The following TBC1D8B variants were observed in gnomAD, a reference collection of about 807,000 sequenced individuals.
The protein encoded by TBC1D8B is TBC1 domain family member 8B, also known as RP11-321G1.1.
A neutral mutation model predicts 82.9 loss-of-function variants in TBC1D8B; 75 were observed. That is an observed-to-expected ratio of 0.90 (90% CI 0.75 to 1.10). The LOEUF is 1.10. Among genes scored for constraint, TBC1D8B ranks in the 50% least tolerant of loss-of-function variants. The probability of loss-of-function intolerance (pLI) is 0.00; values close to 1 mark genes in which losing one functional copy is unlikely to be tolerated. For missense variants in TBC1D8B, 794 were observed against 796.9 expected, an observed-to-expected ratio of 1.00 and a Z score of 0.04; for synonymous variants, 276 against 276.8, an observed-to-expected ratio of 1.00 and a Z score of 0.03.
In TBC1D8B at chrX:106,823,290, A is replaced by G; in HGVS notation, c.651A>G (p.Thr217=). ...KLEKTSNVIL[T]ESIHVCSQGE... Reference sequence around the variant, plus strand: ...AAAAGACTTCAAATGTCATACTGACAGAGAGTATTCACGTGTGTTCCCAAG... The same window carrying G: ...AAAAGACTTCAAATGTCATACTGACGGAGAGTATTCACGTGTGTTCCCAAG... Residue 217 remains threonine (T), a synonymous_variant, in exon 5 of 21, where the codon ACA becomes ACG. Transcript: ENST00000357242. 4 of 1,210,143 alleles carry G rather than the reference A, an allele frequency of 3.3e-6. No homozygotes were observed. The highest frequency in any genetic ancestry group is 4.5e-6 in the Non-Finnish European group (4 of 894,268).
chrX:106,850,370 T>TCC, intron 12 of TBC1D8B, 60 bp downstream of exon 12: 1 of 1,069,576 alleles, frequency 9.3e-7, no homozygotes. Flanking sequence ...TGTTGTTCAA[T>TCC]CCCCTATTTT....
intron 12 of TBC1D8B, among the ~76,000 whole-genome samples, 182 bp from the exon 13 acceptor site, chrX:106,853,339 T>C (rs1039990168): frequency 1.8e-5 from 2 of 111,101 alleles, no homozygotes; most frequent in African/African-American, 6.6e-5. Flanking sequence ...GACGATGGGG[T>C]TTTCTAGATA....
intron 14 of TBC1D8B, among the ~76,000 whole-genome samples, chrX:106,856,512 T>A (rs1569455212): frequency 9.0e-6 from 1 of 110,798 alleles, no homozygotes; most frequent in Non-Finnish European, 1.9e-5. Flanking sequence ...TAGAGTATAT[T>A]TTTTTATTAT....
At chrX:106,822,230 C>T in intron 4 of TBC1D8B, 28 bp downstream of exon 4, 1 of 1,116,771 alleles carries the variant, frequency 9.0e-7, no homozygotes, top group Non-Finnish European at 1.2e-6. Context: ...CTTACTATGG[C>T]CTTGAATTTG....
intron 1 of TBC1D8B, among the ~76,000 whole-genome samples, chrX:106,805,374 G>A (rs755551054): frequency 2.0e-3 from 224 of 110,011 alleles, no homozygotes; most frequent in Non-Finnish European, 3.0e-3. Flanking sequence ...AAAGGAATGA[G>A]CCACCTCACC....
chrX:106,846,481 G>C (rs1471725376), intron 10 of TBC1D8B, among the ~76,000 whole-genome samples: 1 of 109,588 alleles, frequency 9.1e-6, no homozygotes, highest in Non-Finnish European at 1.9e-5. Context: ...ATGCCACAGA[G>C]CTTACTGGTT....
chrX:106,851,181 G>A (rs1283093527), intron 12 of TBC1D8B, among the ~76,000 whole-genome samples: 1 of 112,154 alleles, frequency 8.9e-6, no homozygotes, highest in African/African-American at 3.2e-5. Flanking sequence ...CCTGAGGTCA[G>A]GAGTTCAAGA....
chrX:106,856,468 A>T (rs1425742732), intron 14 of TBC1D8B, among the ~76,000 whole-genome samples: 1 of 110,764 alleles, frequency 9.0e-6, no homozygotes, highest in Non-Finnish European at 1.9e-5. Flanking sequence ...TAGTACTGGT[A>T]TTGCTTTTTT....
At chrX:106,820,802 A>G in intron 2 of TBC1D8B, 75 bp from the exon 3 acceptor site, 1 of 670,988 alleles carries the variant, frequency 1.5e-6, no homozygotes, top group Non-Finnish European at 2.3e-6. Flanking sequence ...TTTTTAAACT[A>G]TGCTTTTAAA....
At chrX:106,869,595 A>G (rs1932835184) in intron 19 of TBC1D8B, 54 bp downstream of exon 19, 1 of 1,003,892 alleles carries the variant, frequency 1.0e-6, no homozygotes, top group East Asian at 3.2e-5. Context: ...TTATGTAAAT[A>G]AGGATAGCTA....
chrX:106,828,743 C>G lies in TBC1D8B; in HGVS notation c.1203+1406C>G, dbSNP rs1246801721. The G allele has an allele frequency of 7.9e-4, 86 of 108,455 alleles. 1 individual carries two copies. The highest frequency in any genetic ancestry group is 2.7e-3 in the African/African-American group (79 of 28,879). 8.9% of individuals were successfully genotyped at this position (108,455 alleles called of 1,213,427 possible). On this transcript the variant is annotated intron_variant, in intron 7 of 20. Transcript: ENST00000357242. ...AAGGCCTTTGACAAAATTCAACAAC[C>G]CTTCATGCTAAAAACTCTCAATAAA...
At chrX:106,812,225 T>C (rs1931402411) in intron 1 of TBC1D8B, among the ~76,000 whole-genome samples, 1 of 111,624 alleles carries the variant, frequency 9.0e-6, no homozygotes, top group African/African-American at 3.2e-5. Context: ...ATCAGGAAAA[T>C]CCACAAACTT....
intron 7 of TBC1D8B, 61 bp from the exon 8 acceptor site, chrX:106,839,247 C>CT (rs771014977): frequency 7.6e-6 from 8 of 1,055,355 alleles, no homozygotes; most frequent in Admixed American, 3.3e-5. Flanking sequence ...AACATTAGAA[C>CT]TTTTTTTTCT....
chrX:106,819,049 C>T (rs1425497077), intron 2 of TBC1D8B, among the ~76,000 whole-genome samples: 1 of 108,516 alleles, frequency 9.2e-6, no homozygotes, highest in African/African-American at 3.3e-5. Context: ...TATATAACTC[C>T]TTTCTTCAAC....
intron 1 of TBC1D8B, chrX:106,813,869 T>C (rs1166724535): frequency 9.0e-6 from 1 of 110,988 alleles, no homozygotes; most frequent in Non-Finnish European, 1.9e-5. Flanking sequence ...TTTTTTTTAT[T>C]ATTACACTTT....
At chrX:106,859,989 G>T (rs1291622043) in intron 14 of TBC1D8B, among the ~76,000 whole-genome samples, 1 of 111,559 alleles carries the variant, frequency 9.0e-6, no homozygotes, top group Non-Finnish European at 1.9e-5. Context: ...GTGATGAATT[G>T]CATTAATTGA....
chrX:106,822,982 G>A (rs1931738237), intron 4 of TBC1D8B, among the ~76,000 whole-genome samples: 1 of 111,417 alleles, frequency 9.0e-6, no homozygotes, highest in South Asian at 3.8e-4. Flanking sequence ...CCTCACTCCA[G>A]TCTGAGCAAC....
intron 7 of TBC1D8B, chrX:106,829,379 T>A (rs1931960389): frequency 9.6e-6 from 1 of 103,840 alleles, no homozygotes; most frequent in African/African-American, 3.8e-5. Context: ...CAAGGTAATT[T>A]ACAGATTCAA....
At chrX:106,861,187 G>T (rs1347750264) in intron 14 of TBC1D8B, among the ~76,000 whole-genome samples, 1 of 111,842 alleles carries the variant, frequency 8.9e-6, no homozygotes, top group African/African-American at 3.3e-5. Context: ...CAGACGAGAA[G>T]AATATGTTCT....
Sources: allele counts gnomAD v4.1 joint callset (sites outside exome capture counted in the v4.1 genomes callset), GRCh38; gene constraint gnomAD v4.1.1; transcripts MANE v1.5; gene names NCBI Gene and HGNC (gene_info 2026-07-23, HGNC 2026-07-21).